GPATCH2: variants seen among roughly 807,000 people sequenced by gnomAD.
The protein encoded by GPATCH2 is G-patch domain containing 2, also known as G patch domain-containing protein 2.
In GPATCH2, 51 loss-of-function variants were observed where a neutral mutation model predicts 58.0. The ratio of observed to expected loss-of-function variants is 0.88; its 90% CI spans 0.70 to 1.11. The LOEUF is 1.11. Ranked by LOEUF, GPATCH2 falls within the 50% of genes most tolerant of loss-of-function variation. The pLI, the probability that GPATCH2 is intolerant of heterozygous loss-of-function variation, is 0.00. For missense variants in GPATCH2, 625 were observed against 652.2 expected (o/e 0.96, Z 0.45); for synonymous variants, 222 against 218.5 (o/e 1.02, Z -0.14).
In GPATCH2 at chr1:217,431,080, G is replaced by T; in HGVS notation, c.*65C>A. On this transcript the variant is annotated 3_prime_UTR_variant, in exon 10 of 10. Transcript: ENST00000366935. ...TTTTTGCTTCAAAAACAGAAGTCAT[G>T]TTATCATTTTAGAACAATGGGACAT... 3 of 863,050 alleles carry T rather than the reference G, an allele frequency of 3.5e-6. No individual in the cohort carries two copies. Among genetic ancestry groups the T allele is most frequent in the African/African-American group, 1.7e-5 (1 of 60,450 alleles). 53.5% of individuals were successfully genotyped at this position (863,050 alleles called of 1,614,324 possible). A position where few individuals can be genotyped will look rare whatever the true frequency, so the allele number is the denominator to read the frequency against.
At chr1:217,548,924 T>C (rs1439119358) in intron 5 of GPATCH2, among the ~76,000 whole-genome samples, 1 of 152,202 alleles carries the variant, frequency 6.6e-6, no homozygotes, top group African/African-American at 2.4e-5. Flanking sequence ...TCTCGGGTAT[T>C]TCTTCACAGC....
At chr1:217,503,827 A>G (rs1225922348) in intron 6 of GPATCH2, among the ~76,000 whole-genome samples, 2 of 152,122 alleles carry the variant, frequency 1.3e-5, no homozygotes, top group Admixed American at 6.6e-5. Flanking sequence ...GCCAGCATGT[A>G]CTATTCCATC....
chr1:217,553,837 A>G (rs370735014), intron 5 of GPATCH2, among the ~76,000 whole-genome samples: 7 of 152,342 alleles, frequency 4.6e-5, no homozygotes, highest in African/African-American at 1.4e-4. Flanking sequence ...ATAACTGAAA[A>G]GTAACCAAAA....
intron 5 of GPATCH2, among the ~76,000 whole-genome samples, chr1:217,560,989 A>G (rs1665901201): frequency 6.6e-6 from 1 of 152,218 alleles, no homozygotes; most frequent in Admixed American, 6.5e-5. Context: ...AGTTAGTCCT[A>G]ATTTCATTTG....
At chr1:217,499,405 C>A (rs988994043) in intron 6 of GPATCH2, among the ~76,000 whole-genome samples, 1 of 152,118 alleles carries the variant, frequency 6.6e-6, no homozygotes, top group Non-Finnish European at 1.5e-5. Flanking sequence ...CACCACACCA[C>A]GCTGCAGAAG....
intron 5 of GPATCH2, among the ~76,000 whole-genome samples, chr1:217,523,813 C>A (rs1366586386): frequency 1.4e-5 from 2 of 144,324 alleles, no homozygotes; most frequent in African/African-American, 2.6e-5. Context: ...CTGACCCCCC[C>A]ACCTCCCTCC....
intron 5 of GPATCH2, among the ~76,000 whole-genome samples, chr1:217,538,182 T>A (rs1406380123): frequency 6.6e-6 from 1 of 152,204 alleles, no homozygotes; most frequent in Admixed American, 6.5e-5. Flanking sequence ...AAAGGCATGA[T>A]ATATTCGTTC....
chr1:217,564,616 C>A (rs776601051), intron 5 of GPATCH2, among the ~76,000 whole-genome samples: 2 of 152,238 alleles, frequency 1.3e-5, no homozygotes, highest in Admixed American at 6.5e-5. Flanking sequence ...ATTTCAGCTA[C>A]AACTTTTTTT....
chr1:217,446,765 T>C (rs919729890), intron 9 of GPATCH2, among the ~76,000 whole-genome samples: 4 of 152,160 alleles, frequency 2.6e-5, no homozygotes, highest in Non-Finnish European at 5.9e-5. Context: ...TGTAAGCTTA[T>C]ATAAAAAAAA....
chr1:217,505,185 T>A (rs1053047010), intron 6 of GPATCH2, among the ~76,000 whole-genome samples: 8 of 152,106 alleles, frequency 5.3e-5, no homozygotes, highest in Non-Finnish European at 1.2e-4. Context: ...CAAATTCAGT[T>A]CTCCCCCTAG....
At chr1:217,494,528 C>T (rs1005857850) in intron 7 of GPATCH2, among the ~76,000 whole-genome samples, 1 of 152,174 alleles carries the variant, frequency 6.6e-6, no homozygotes. Context: ...CACCTGAAGT[C>T]GGGAGTTCGA....
At chr1:217,519,762 G>A (rs1024747371) in intron 5 of GPATCH2, among the ~76,000 whole-genome samples, 3 of 152,150 alleles carry the variant, frequency 2.0e-5, no homozygotes, top group Non-Finnish European at 4.4e-5. Context: ...CAGCCACTGA[G>A]AGCTTCTTAT....
chr1:217,580,751 G>GACTTATTAAATCAGAATTGACATTT (rs1571956357), intron 5 of GPATCH2, among the ~76,000 whole-genome samples: 42 of 110,050 alleles, frequency 3.8e-4, no homozygotes, highest in East Asian at 1.3e-3. Flanking sequence ...AGAATCTCCT[G>GACTTATTAAATCAGAATTGACATTT]TAATCCCAGC....
intron 6 of GPATCH2, among the ~76,000 whole-genome samples, chr1:217,508,233 A>G (rs1571828886): frequency 6.6e-6 from 1 of 152,176 alleles, no homozygotes; most frequent in South Asian, 2.1e-4. Context: ...CACTTTCACT[A>G]TAAAGCAATA....
intron 5 of GPATCH2, chr1:217,609,224 A>G: frequency 1.0e-6 from 1 of 984,288 alleles, no homozygotes; most frequent in Non-Finnish European, 1.2e-6. Context: ...AGTTGGTGAA[A>G]ATGAGCTCAT....
chr1:217,609,605 G>T (rs1668531059), intron 5 of GPATCH2: 2 of 983,414 alleles, frequency 2.0e-6, no homozygotes, highest in South Asian at 9.4e-5. Flanking sequence ...CTCCAGCAAA[G>T]ATTATCAACC....
intron 8 of GPATCH2, among the ~76,000 whole-genome samples, chr1:217,473,560 A>G (rs1446504888): frequency 1.3e-5 from 2 of 152,164 alleles, no homozygotes; most frequent in Non-Finnish European, 2.9e-5. Context: ...AGACATGCAT[A>G]AAATATTAGA....
At chr1:217,568,615 G>A (rs935493310) in intron 5 of GPATCH2, among the ~76,000 whole-genome samples, 2 of 152,226 alleles carry the variant, frequency 1.3e-5, no homozygotes, top group African/African-American at 2.4e-5. Context: ...GCTGAGGGAA[G>A]AGCTATCTTG....
chr1:217,496,936 C>G (rs977601879), intron 7 of GPATCH2, among the ~76,000 whole-genome samples: 1 of 151,920 alleles, frequency 6.6e-6, no homozygotes, highest in Non-Finnish European at 1.5e-5. Flanking sequence ...TAAGTAAAAG[C>G]TGACTCAAAA....
Sources: allele counts gnomAD v4.1 joint callset (sites outside exome capture counted in the v4.1 genomes callset), GRCh38; gene constraint gnomAD v4.1.1; transcripts MANE v1.5; gene names NCBI Gene and HGNC (gene_info 2026-07-23, HGNC 2026-07-21).